The following CUL4B variants were observed in gnomAD, a reference collection of about 807,000 sequenced individuals.
CUL4B encodes cullin 4B.
CUL4B carries 1 observed loss-of-function variant against 69.2 expected under a neutral mutation model. That is an observed-to-expected ratio of 0.01 (90% confidence interval 0.01 to 0.07). The LOEUF is 0.07. Among genes scored for constraint, CUL4B ranks in the 10% least tolerant of loss-of-function variants. The pLI, the probability that CUL4B is intolerant of heterozygous loss-of-function variation, is 1.00. For synonymous variants in CUL4B, 237 were observed against 223.2 expected, an observed-to-expected ratio of 1.06 and a Z score of -0.55; for missense variants, 328 against 638.8, an observed-to-expected ratio of 0.51 and a Z score of 5.24.
chrX:120,568,642 A>G (rs1925624021), downstream of CUL4B, among the ~76,000 whole-genome samples: 1 of 112,620 alleles, frequency 8.9e-6, no homozygotes. Context: ...AATACAGAAT[A>G]ACACAAAATT....
At chrX:120,531,961 A>G (rs774927155) in intron 18 of CUL4B, among the ~76,000 whole-genome samples, 1 of 111,170 alleles carries the variant, frequency 9.0e-6, no homozygotes, top group East Asian at 2.8e-4. Context: ...AAATGTTCAT[A>G]CCCTTTAACC....
At chrX:120,539,889 C>T (rs763761626) in intron 11 of CUL4B, among the ~76,000 whole-genome samples, 24 of 112,117 alleles carry the variant, frequency 2.1e-4, no homozygotes, top group African/African-American at 7.1e-4. Context: ...GACCCTAGAC[C>T]TTCTCAGGTT....
intron 2 of CUL4B, 98 bp downstream of exon 2, chrX:120,557,826 C>CA (rs767686569): frequency 6.5e-5 from 33 of 506,145 alleles, no homozygotes; most frequent in Non-Finnish European, 1.1e-4. Flanking sequence ...AGAAGGGAAC[C>CA]AAAAGTCTAC....
intron 13 of CUL4B, 170 bp from the exon 14 acceptor site, chrX:120,538,379 A>C: frequency 2.3e-6 from 1 of 427,145 alleles, no homozygotes; most frequent in East Asian, 3.8e-5. Flanking sequence ...ATTCAGAGTC[A>C]AACTCTTTAA....
chrX:120,528,388 C>CA (rs1923117622), intron 19 of CUL4B, among the ~76,000 whole-genome samples: 1 of 100,711 alleles, frequency 9.9e-6, no homozygotes, highest in Non-Finnish European at 2.0e-5. Context: ...ACCTGGGTGA[C>CA]AGAGCAAGAA....
At chrX:120,568,718 AAC>A (rs1925626374), downstream of CUL4B, among the ~76,000 whole-genome samples, 1 of 112,470 alleles carries the variant, frequency 8.9e-6, no homozygotes, top group Non-Finnish European at 1.9e-5. Context: ...TATCCTGATA[AAC>A]ACACTGTGAG....
At position 120,537,116 on chromosome X, in the gene CUL4B, G is replaced by T. The variant is rs1051116890; in HGVS notation, c.1939-82C>A. 25 of 712,699 alleles carry T rather than the reference G, an allele frequency of 3.5e-5. No homozygotes were observed. The African/African-American group carries it at 4.4e-4, about 13-fold the overall frequency. 58.7% of individuals were successfully genotyped at this position (712,699 alleles called of 1,213,427 possible). On this transcript the variant is annotated intron_variant, in intron 14 of 19. Coordinates refer to ENST00000371322, the MANE Select transcript of CUL4B (RefSeq NM_001079872.2). ...TAATAACCTATTTAAGAAGTTCCCT[G>T]TTATGAAATTACATGCAAACACTGA...
At chrX:120,567,652 G>A (rs1925596100), downstream of CUL4B, among the ~76,000 whole-genome samples, 1 of 105,610 alleles carries the variant, frequency 9.5e-6, no homozygotes, top group East Asian at 3.0e-4. Context: ...GCCGAGGCAG[G>A]AGTATTGCTT....
chrX:120,569,279 C>T (rs148358426), downstream of CUL4B, among the ~76,000 whole-genome samples: 702 of 111,790 alleles, frequency 6.3e-3, 6 homozygotes, highest in African/African-American at 0.022. Flanking sequence ...AACCCTTGCC[C>T]TCCATTCTCA....
At chrX:120,561,062 G>A, upstream of CUL4B, 1 of 994,136 alleles carries the variant, frequency 1.0e-6, no homozygotes. Context: ...GCTTGTTATT[G>A]TCAATAGCAC....
At chrX:120,550,045 A>G (rs1221443456) in intron 2 of CUL4B, among the ~76,000 whole-genome samples, 1 of 111,523 alleles carries the variant, frequency 9.0e-6, no homozygotes, top group African/African-American at 3.3e-5. Flanking sequence ...AAGATACCAT[A>G]TTCCCTTACT....
chrX:120,535,585 A>G (rs1416933924), intron 16 of CUL4B, among the ~76,000 whole-genome samples: 1 of 107,613 alleles, frequency 9.3e-6, no homozygotes, highest in African/African-American at 3.4e-5. Context: ...GCACGCCTGT[A>G]GTCCCAGCCA....
At chrX:120,572,282 G>A (rs1379392562) in intron 2 of CUL4B, among the ~76,000 whole-genome samples, 1 of 108,814 alleles carries the variant, frequency 9.2e-6, no homozygotes, top group Non-Finnish European at 1.9e-5. Context: ...TGACCAACAT[G>A]GTGAAACCCT....
chrX:120,542,939 AT>A (rs1924082952), intron 9 of CUL4B, 26 bp downstream of exon 9: 2 of 1,116,709 alleles, frequency 1.8e-6, no homozygotes, highest in Non-Finnish European at 2.5e-6. Context: ...TTAAAAAGCA[AT>A]CTCTTATTTA....
chrX:120,544,065 G>A, intron 7 of CUL4B, 49 bp downstream of exon 7: 2 of 786,876 alleles, frequency 2.5e-6, no homozygotes, highest in Non-Finnish European at 3.9e-6. Context: ...ACAAAGTAAG[G>A]TCTATTGTGA....
chrX:120,555,136 T>TA (rs1265057372), intron 2 of CUL4B, among the ~76,000 whole-genome samples: 1 of 112,170 alleles, frequency 8.9e-6, no homozygotes, highest in Non-Finnish European at 1.9e-5. Flanking sequence ...AGGTAAAACT[T>TA]ACGAAGTACA....
At chrX:120,569,102 G>A (rs915937133), downstream of CUL4B, among the ~76,000 whole-genome samples, 2 of 111,848 alleles carry the variant, frequency 1.8e-5, no homozygotes, top group African/African-American at 3.2e-5. Context: ...GGATATGGTG[G>A]CAATCTTGTT....
intron 2 of CUL4B, among the ~76,000 whole-genome samples, chrX:120,548,158 C>T (rs533301778): frequency 4.9e-4 from 55 of 111,111 alleles, no homozygotes; most frequent in African/African-American, 1.6e-3. Context: ...CCTGTAGTTC[C>T]AGCTATTTAG....
chrX:120,541,197 C>T (rs1923968576), intron 10 of CUL4B, among the ~76,000 whole-genome samples: 1 of 112,420 alleles, frequency 8.9e-6, no homozygotes, highest in African/African-American at 3.2e-5. Flanking sequence ...ATTTAAAATT[C>T]CCTTAAAAGA....
Sources: gnomAD v4.1 joint callset for allele counts (sites outside exome capture counted in the v4.1 genomes callset) on GRCh38, gnomAD v4.1.1 for gene constraint, MANE v1.5 for transcripts, NCBI Gene and HGNC (gene_info 2026-07-23, HGNC 2026-07-21) for gene names.